NRG3: variants seen among roughly 807,000 people sequenced by gnomAD.
NRG3 encodes neuregulin 3, also known as pro-neuregulin-3, membrane-bound isoform.
In NRG3, 31 loss-of-function variants were observed where a neutral mutation model predicts 66.9. That is an observed-to-expected ratio of 0.46 (90% CI 0.35 to 0.63). The LOEUF (loss-of-function observed/expected upper bound fraction) is 0.63. Among genes scored for constraint, NRG3 ranks in the 20% least tolerant of loss-of-function variants. The pLI is 0.00. For synonymous variants in NRG3, 393 were observed against 359.4 expected (o/e 1.09, Z -1.06); for missense variants, 910 against 878.9 (o/e 1.04, Z -0.45).
intron 3 of NRG3, among the ~76,000 whole-genome samples, chr10:82,811,469 T>G (rs1263028673): frequency 6.6e-6 from 1 of 152,194 alleles, no homozygotes; most frequent in Non-Finnish European, 1.5e-5. Context: ...ATGGTGAAAT[T>G]CTGGGGAGAT....
intron 2 of NRG3, among the ~76,000 whole-genome samples, chr10:82,584,702 C>T (rs922976338): frequency 6.6e-6 from 1 of 152,084 alleles, no homozygotes; most frequent in African/African-American, 2.4e-5. Context: ...ATAATCAAAA[C>T]ATAATTTGTT....
intron 3 of NRG3, among the ~76,000 whole-genome samples, chr10:82,852,633 C>T (rs183478152): frequency 7.0e-4 from 107 of 152,178 alleles, no homozygotes; most frequent in Non-Finnish European, 1.2e-3. Flanking sequence ...AATACGTAGA[C>T]GGTAGTTTCA....
chr10:82,438,543 C>A (rs578202749), intron 2 of NRG3, among the ~76,000 whole-genome samples: 1 of 152,230 alleles, frequency 6.6e-6, no homozygotes, highest in African/African-American at 2.4e-5. Context: ...AGACAACAGG[C>A]AGCTGCAGTT....
At chr10:82,797,410 C>A (rs1039118125) in intron 3 of NRG3, among the ~76,000 whole-genome samples, 1 of 152,200 alleles carries the variant, frequency 6.6e-6, no homozygotes, top group Non-Finnish European at 1.5e-5. Context: ...ATCCAGGTGC[C>A]TTTGGGATGT....
intron 2 of NRG3, among the ~76,000 whole-genome samples, chr10:82,691,628 A>T (rs1167648141): frequency 6.6e-6 from 1 of 152,158 alleles, no homozygotes; most frequent in African/African-American, 2.4e-5. Flanking sequence ...AAGGACAACG[A>T]TCTCTCCATT....
At chr10:82,022,874 A>G (rs572817075) in intron 1 of NRG3, among the ~76,000 whole-genome samples, 1 of 151,550 alleles carries the variant, frequency 6.6e-6, no homozygotes, top group Non-Finnish European at 1.5e-5. Context: ...TTATACATAT[A>G]TCTATTTAAC....
intron 2 of NRG3, among the ~76,000 whole-genome samples, chr10:82,698,537 A>G (rs1184660447): frequency 2.0e-5 from 3 of 152,216 alleles, no homozygotes; most frequent in Non-Finnish European, 4.4e-5. Flanking sequence ...TGATCTACGT[A>G]AGCCCTATTA....
At chr10:81,916,760 A>T (rs1279248767) in intron 1 of NRG3, among the ~76,000 whole-genome samples, 1 of 152,172 alleles carries the variant, frequency 6.6e-6, no homozygotes, top group African/African-American at 2.4e-5. Context: ...TTTCTTGGGC[A>T]TCTCCTGAGT....
chr10:82,334,148 A>G (rs991622428), intron 1 of NRG3, among the ~76,000 whole-genome samples: 1 of 150,510 alleles, frequency 6.6e-6, no homozygotes, highest in Non-Finnish European at 1.5e-5. Flanking sequence ...AAAAAAAAAA[A>G]AAAAAAAGAA....
At chr10:82,868,258 T>G (rs1299039732) in intron 4 of NRG3, among the ~76,000 whole-genome samples, 2 of 152,236 alleles carry the variant, frequency 1.3e-5, no homozygotes, top group African/African-American at 4.8e-5. Flanking sequence ...ATGCAATCTA[T>G]GTATTAAGAG....
In NRG3 at chr10:82,727,591, A is replaced by G. The variant is rs777220514; in HGVS notation, c.954-10986A>G. 1.7e-4 allele frequency among the ~76,000 whole-genome samples: 26 copies of G among 152,240 alleles called. 1 individual carries two copies. Among genetic ancestry groups the G allele is most frequent in the Non-Finnish European group, 2.9e-4 (20 of 68,048 alleles). ...TATGCAAATGCCTGGATGTCTGGGCAGAAGTTTGCTGCAGGGGCAGGATGC... is the reference window on the plus strand; with the variant it reads ...TATGCAAATGCCTGGATGTCTGGGCGGAAGTTTGCTGCAGGGGCAGGATGC... On this transcript the variant is annotated intron_variant, in intron 2 of 8. Transcript: ENST00000372141.
At chr10:82,390,358 G>A (rs1460804688) in intron 2 of NRG3, among the ~76,000 whole-genome samples, 1 of 151,888 alleles carries the variant, frequency 6.6e-6, no homozygotes, top group Non-Finnish European at 1.5e-5. Flanking sequence ...GGGCTGGGGT[G>A]GATTGTTCTC....
intron 1 of NRG3, among the ~76,000 whole-genome samples, chr10:82,029,067 G>C (rs912667739): frequency 4.6e-5 from 7 of 151,998 alleles, no homozygotes; most frequent in Non-Finnish European, 7.4e-5. Context: ...AAATTAGCCA[G>C]GCATGGTCGT....
chr10:82,277,805 G>C (rs1347920350), intron 1 of NRG3, among the ~76,000 whole-genome samples: 1 of 152,066 alleles, frequency 6.6e-6, no homozygotes, highest in Non-Finnish European at 1.5e-5. Context: ...GCCACAGTGA[G>C]TAACAAGATC....
intron 1 of NRG3, among the ~76,000 whole-genome samples, chr10:82,097,940 G>A (rs56744048): frequency 0.027 from 4,139 of 151,370 alleles, 197 homozygotes; most frequent in African/African-American, 0.096. Flanking sequence ...CTTTTAATCG[G>A]GTCATTTGTT....
intron 4 of NRG3, among the ~76,000 whole-genome samples, chr10:82,874,284 T>G (rs946058087): frequency 1.3e-5 from 2 of 152,140 alleles, no homozygotes; most frequent in Non-Finnish European, 2.9e-5. Flanking sequence ...CCCTGCATAT[T>G]GTAAATGACT....
chr10:82,686,632 C>T (rs1330980520), intron 2 of NRG3, among the ~76,000 whole-genome samples: 1 of 152,174 alleles, frequency 6.6e-6, no homozygotes, highest in Admixed American at 6.5e-5. Context: ...CCATTATGAT[C>T]TTATGGGACC....
chr10:82,559,913 C>T (rs557192307), intron 2 of NRG3, among the ~76,000 whole-genome samples: 5 of 151,922 alleles, frequency 3.3e-5, no homozygotes, highest in Non-Finnish European at 7.4e-5. Context: ...TATTAAAACA[C>T]TTGTAAATAA....
intron 3 of NRG3, among the ~76,000 whole-genome samples, chr10:82,806,452 A>G (rs186304545): frequency 6.6e-6 from 1 of 152,346 alleles, no homozygotes; most frequent in Admixed American, 6.5e-5. Context: ...TCATTCACAC[A>G]TCACGTATTA....
Sources: allele counts gnomAD v4.1 joint callset (sites outside exome capture counted in the v4.1 genomes callset), GRCh38; gene constraint gnomAD v4.1.1; transcripts MANE v1.5; gene names NCBI Gene and HGNC (gene_info 2026-07-23, HGNC 2026-07-21).